The following MAGI2 variants were observed in gnomAD, a reference collection of about 807,000 sequenced individuals.
The protein encoded by MAGI2 is membrane-associated guanylate kinase, WW and PDZ domain-containing protein 2.
In MAGI2, 35 loss-of-function variants were observed where a neutral mutation model predicts 133.3. That is an observed-to-expected ratio of 0.26 (90% CI 0.20 to 0.35). The LOEUF (loss-of-function observed/expected upper bound fraction) is 0.35, where lower values mean the gene tolerates loss of function less well. Ranked by LOEUF, MAGI2 falls within the 10% of genes least tolerant of loss-of-function variation. The pLI, the probability that MAGI2 is intolerant of heterozygous loss-of-function variation, is 1.00. For missense variants in MAGI2, 1,636 were observed against 1,863.4 expected, an observed-to-expected ratio of 0.88 and a Z score of 2.25; for synonymous variants, 729 against 710.6, an observed-to-expected ratio of 1.03 and a Z score of -0.41.
chr7:79,449,459 AG>A (rs1849086729), intron 1 of MAGI2, among the ~76,000 whole-genome samples: 1 of 151,840 alleles, frequency 6.6e-6, no homozygotes. Context: ...TAGCAGCCAT[AG>A]TGCAAGGAAT....
intron 5 of MAGI2, among the ~76,000 whole-genome samples, chr7:78,501,243 G>A (rs573440439): frequency 2.6e-5 from 4 of 152,228 alleles, no homozygotes; most frequent in Middle Eastern, 3.4e-3. Flanking sequence ...TTGACAAGAC[G>A]GGGGTCTTAG....
At chr7:79,304,625 C>T (rs182611068) in intron 1 of MAGI2, among the ~76,000 whole-genome samples, 51 of 152,296 alleles carry the variant, frequency 3.3e-4, no homozygotes, top group African/African-American at 1.2e-3. Flanking sequence ...CTCTTCCGTT[C>T]TGGTTTCTAA....
chr7:79,343,578 G>T (rs1841073008), intron 1 of MAGI2, among the ~76,000 whole-genome samples: 1 of 150,234 alleles, frequency 6.7e-6, no homozygotes. Context: ...GCCCCAAATT[G>T]GCTAATTATT....
chr7:78,049,728 C>T (rs931341563), intron 21 of MAGI2, among the ~76,000 whole-genome samples: 18 of 152,146 alleles, frequency 1.2e-4, no homozygotes, highest in African/African-American at 4.1e-4. Flanking sequence ...ATACAGTTGA[C>T]GAGACTGTAT....
intron 6 of MAGI2, among the ~76,000 whole-genome samples, chr7:78,460,798 A>G (rs1190454503): frequency 2.0e-5 from 3 of 152,186 alleles, no homozygotes; most frequent in Non-Finnish European, 4.4e-5. Flanking sequence ...GGTAGCTGTT[A>G]TCCTGTCCAG....
At chr7:78,297,495 C>G (rs1251345778) in intron 9 of MAGI2, among the ~76,000 whole-genome samples, 1 of 151,134 alleles carries the variant, frequency 6.6e-6, no homozygotes, top group Non-Finnish European at 1.5e-5. Context: ...ACCCAAAGGA[C>G]TATAAATCAT....
chr7:78,373,117 C>T (rs1474975708), intron 6 of MAGI2, among the ~76,000 whole-genome samples: 1 of 152,096 alleles, frequency 6.6e-6, no homozygotes, highest in South Asian at 2.1e-4. Flanking sequence ...TCACTGTGCC[C>T]GGCCAGGAAT....
intron 2 of MAGI2, among the ~76,000 whole-genome samples, chr7:78,976,408 G>A (rs989962324): frequency 6.6e-6 from 1 of 151,220 alleles, no homozygotes; most frequent in Non-Finnish European, 1.5e-5. Context: ...ACCAAACCAG[G>A]AATGGAGAAT....
chr7:78,733,839 A>T (rs1055655003), intron 2 of MAGI2, among the ~76,000 whole-genome samples: 29 of 152,230 alleles, frequency 1.9e-4, no homozygotes, highest in Non-Finnish European at 3.5e-4. Flanking sequence ...GCAGGTATAA[A>T]GGAGCATTCT....
intron 2 of MAGI2, among the ~76,000 whole-genome samples, chr7:78,772,847 C>T (rs529405922): frequency 6.6e-6 from 1 of 152,250 alleles, no homozygotes; most frequent in African/African-American, 2.4e-5. Flanking sequence ...TTAGAAAGAC[C>T]TAAAATGTTA....
intron 2 of MAGI2, among the ~76,000 whole-genome samples, chr7:78,764,543 AT>A (rs201164504): frequency 7.2e-5 from 11 of 152,270 alleles, no homozygotes; most frequent in Admixed American, 5.2e-4. Flanking sequence ...CCATTTAATG[AT>A]TTTTTCCCCC....
intron 6 of MAGI2, among the ~76,000 whole-genome samples, chr7:78,422,774 T>C (rs748503849): frequency 4.6e-5 from 7 of 152,166 alleles, no homozygotes; most frequent in Non-Finnish European, 7.3e-5. Context: ...TGTCTAATTA[T>C]TTGATTTAAA....
chr7:78,236,220 G>T (rs1790525295), intron 10 of MAGI2, among the ~76,000 whole-genome samples: 11 of 152,004 alleles, frequency 7.2e-5, no homozygotes, highest in Admixed American at 7.2e-4. Context: ...CACATTTATG[G>T]AATGAACAAA....
chr7:78,395,062 AG>A (rs1796220185), intron 6 of MAGI2, among the ~76,000 whole-genome samples: 1 of 152,202 alleles, frequency 6.6e-6, no homozygotes, highest in Non-Finnish European at 1.5e-5. Context: ...GTTCTTATAA[AG>A]GAGAATAATT....
At chr7:79,319,846 C>T (rs897652183) in intron 1 of MAGI2, among the ~76,000 whole-genome samples, 3 of 152,138 alleles carry the variant, frequency 2.0e-5, no homozygotes, top group South Asian at 2.1e-4. Flanking sequence ...AGGAGATAGA[C>T]ATGATTGACC....
At chr7:78,234,546 C>T (rs1318236986) in intron 10 of MAGI2, among the ~76,000 whole-genome samples, 1 of 111,406 alleles carries the variant, frequency 9.0e-6, no homozygotes, top group Non-Finnish European at 2.2e-5. Context: ...AATTTATATT[C>T]ATTATAATAT....
chr7:79,398,429 G>C (rs571644115), intron 1 of MAGI2, among the ~76,000 whole-genome samples: 12 of 152,302 alleles, frequency 7.9e-5, no homozygotes, highest in African/African-American at 2.6e-4. Context: ...GTGGGCTCAA[G>C]ATGTTTGTGA....
chr7:79,411,742 C>T (rs1026314380), intron 1 of MAGI2: 1 of 152,024 alleles, frequency 6.6e-6, no homozygotes, highest in African/African-American at 2.4e-5. Flanking sequence ...AAATAACACC[C>T]CTTTCTTTAA....
At chr7:78,461,019 C>T (rs1789927860) in intron 6 of MAGI2, among the ~76,000 whole-genome samples, 1 of 152,024 alleles carries the variant, frequency 6.6e-6, no homozygotes, top group South Asian at 2.1e-4. Context: ...CATGCTTTGC[C>T]TTTCTTCGTT....
Sources: allele counts gnomAD v4.1 joint callset (sites outside exome capture counted in the v4.1 genomes callset), GRCh38; gene constraint gnomAD v4.1.1; transcripts MANE v1.5; gene names NCBI Gene and HGNC (gene_info 2026-07-23, HGNC 2026-07-21).